RTTN: variants seen among roughly 807,000 people sequenced by gnomAD.
RTTN encodes the protein rotatin.
In RTTN, 182 loss-of-function variants were observed where a neutral mutation model predicts 269.2. That is an observed-to-expected ratio of 0.68 (90% CI 0.60 to 0.76). The LOEUF (loss-of-function observed/expected upper bound fraction) is 0.76, where lower values mean the gene tolerates loss of function less well. Ranked by LOEUF, RTTN falls within the 30% of genes least tolerant of loss-of-function variation. RTTN has a pLI of 0.00. For missense variants in RTTN, 2,545 were observed against 2,608.6 expected, an observed-to-expected ratio of 0.98 and a Z score of 0.53; for synonymous variants, 1,006 against 963.5, an observed-to-expected ratio of 1.04 and a Z score of -0.82.
At chr18:70,084,537 C>T (rs1422180046) in intron 32 of RTTN, among the ~76,000 whole-genome samples, 1 of 151,464 alleles carries the variant, frequency 6.6e-6, no homozygotes, top group Non-Finnish European at 1.5e-5. Context: ...TCAGACCCCA[C>T]TAAACTTTCT....
At chr18:70,180,366 G>C (rs2061396030) in intron 10 of RTTN, among the ~76,000 whole-genome samples, 1 of 151,862 alleles carries the variant, frequency 6.6e-6, no homozygotes, top group Admixed American at 6.6e-5. Context: ...GTGGTGCCTT[G>C]AGCCCAGGAG....
At chr18:70,161,550 C>A (rs184559384) in intron 14 of RTTN, among the ~76,000 whole-genome samples, 45 of 152,060 alleles carry the variant, frequency 3.0e-4, no homozygotes, top group Admixed American at 2.6e-4. Flanking sequence ...GTAAAAATAT[C>A]AACTAAGTAA....
chr18:70,111,221 C>A (rs2059456314), intron 27 of RTTN, among the ~76,000 whole-genome samples: 1 of 152,260 alleles, frequency 6.6e-6, no homozygotes, highest in Admixed American at 6.5e-5. Flanking sequence ...AAGGGTCAGA[C>A]TGCCTCCTCA....
chr18:70,096,804 C>T (rs1031331251), intron 28 of RTTN, among the ~76,000 whole-genome samples: 9 of 152,202 alleles, frequency 5.9e-5, no homozygotes, highest in Non-Finnish European at 1.0e-4. Context: ...TAGTCTGTCC[C>T]TTAGCAGAGC....
chr18:70,196,446 C>T lies in RTTN; in HGVS notation c.841+55G>A, dbSNP rs1209796655. ...CTAACAGTAACTATAATGGAAGGTTCCCAGAAGAATCTACAAATAACACCA... is the reference window on the plus strand; with the variant it reads ...CTAACAGTAACTATAATGGAAGGTTTCCAGAAGAATCTACAAATAACACCA... On this transcript the variant is annotated intron_variant, in intron 7 of 48. Transcript: ENST00000640769. The T allele has an allele frequency of 2.0e-6, 3 of 1,504,676 alleles. No individual in the cohort carries two copies. In the African/African-American group the frequency reaches 4.2e-5, roughly 21 times the overall value. 93.2% of individuals were successfully genotyped at this position (1,504,676 alleles called of 1,614,324 possible). A position where few individuals can be genotyped will look rare whatever the true frequency, so the allele number is the denominator to read the frequency against.
intron 10 of RTTN, among the ~76,000 whole-genome samples, chr18:70,185,257 T>C (rs2061520832): frequency 6.6e-6 from 1 of 152,098 alleles, no homozygotes; most frequent in Admixed American, 6.5e-5. Context: ...AAAGAAAGCA[T>C]AGGAAACACT....
At chr18:70,179,867 C>A (rs1340053682) in intron 10 of RTTN, among the ~76,000 whole-genome samples, 2 of 152,116 alleles carry the variant, frequency 1.3e-5, no homozygotes, top group South Asian at 4.2e-4. Flanking sequence ...GCCAGTCTCA[C>A]AAGGCACTTC....
intron 14 of RTTN, among the ~76,000 whole-genome samples, chr18:70,152,850 TG>T (rs2060574516): frequency 1.3e-5 from 2 of 152,296 alleles, no homozygotes; most frequent in South Asian, 2.1e-4. Flanking sequence ...TTCCCCACAA[TG>T]GGAGAGTGAT....
chr18:70,076,828 C>T (rs1198991263), intron 32 of RTTN, among the ~76,000 whole-genome samples: 1 of 151,528 alleles, frequency 6.6e-6, no homozygotes, highest in African/African-American at 2.4e-5. Context: ...TGTTTATTAA[C>T]CAAGGTATAT....
At chr18:70,076,422 T>C (rs2058431516) in intron 32 of RTTN, among the ~76,000 whole-genome samples, 1 of 152,066 alleles carries the variant, frequency 6.6e-6, no homozygotes, top group African/African-American at 2.4e-5. Flanking sequence ...TTTGTATGTG[T>C]GTCTGTTCTC....
chr18:70,132,864 A>G (rs1276626508), intron 23 of RTTN, among the ~76,000 whole-genome samples: 1 of 152,138 alleles, frequency 6.6e-6, no homozygotes, highest in East Asian at 1.9e-4. Flanking sequence ...CTGTGAGTAA[A>G]AGAGTAATAA....
intron 14 of RTTN, among the ~76,000 whole-genome samples, chr18:70,159,708 AC>A: frequency 6.6e-6 from 1 of 152,162 alleles, no homozygotes; most frequent in Non-Finnish European, 1.5e-5. Flanking sequence ...AAAAAAAGAG[AC>A]AATCCAAATA....
chr18:70,121,362 C>G (rs1458034165), intron 26 of RTTN, among the ~76,000 whole-genome samples, 194 bp downstream of exon 26: 3 of 152,150 alleles, frequency 2.0e-5, no homozygotes, highest in Non-Finnish European at 4.4e-5. Flanking sequence ...GTCCCATTCA[C>G]TGTACAGAAT....
At position 70,145,606 on chromosome 18, in the gene RTTN, A is replaced by G. The variant is rs367787928; in HGVS notation, c.2481+6T>C. 4.4e-6 allele frequency: 7 copies of G among 1,574,518 alleles called. No individual in the cohort carries two copies. The highest frequency in any genetic ancestry group is 6.0e-6 in the Non-Finnish European group (7 of 1,165,184). ...ACACAGTAATAAACTCAAAATTTAT[A>G]GTCACCTTAATAACCAGCTCTCTTC... On this transcript the variant is annotated splice_donor_region_variant and intron_variant, in intron 18 of 48. Coordinates refer to ENST00000640769, the MANE Select transcript of RTTN (RefSeq NM_173630.4).
At chr18:70,066,009 A>C in intron 34 of RTTN, 87 bp from the exon 35 acceptor site, 1 of 776,458 alleles carries the variant, frequency 1.3e-6, no homozygotes, top group Non-Finnish European at 2.0e-6. Flanking sequence ...ATCCTTAAAC[A>C]AGGAGGTTTA....
chr18:70,060,485 A>G (rs905956448), intron 35 of RTTN, among the ~76,000 whole-genome samples: 1 of 152,178 alleles, frequency 6.6e-6, no homozygotes, highest in African/African-American at 2.4e-5. Flanking sequence ...TTATGGATAT[A>G]TAATCATTGT....
chr18:70,168,688 C>A (rs975224960), intron 12 of RTTN, among the ~76,000 whole-genome samples, 167 bp downstream of exon 12: 3 of 152,136 alleles, frequency 2.0e-5, no homozygotes, highest in Non-Finnish European at 4.4e-5. Flanking sequence ...CAAATCATAT[C>A]CTTACTTTAA....
In RTTN at chr18:70,087,995, G is replaced by A. The variant is rs963937835; in HGVS notation, c.4296C>T (p.Arg1432=). The A allele has an allele frequency of 6.2e-7, 1 of 1,611,996 alleles. No individual in the cohort carries two copies. Among genetic ancestry groups the A allele is most frequent in the African/African-American group, 1.3e-5 (1 of 74,744 alleles). Residue 1432 remains arginine (R), a synonymous_variant, in exon 31 of 49, where the codon CGC becomes CGT. Coordinates refer to ENST00000640769, the MANE Select transcript of RTTN (RefSeq NM_173630.4). ...LLDQSECSMV[R]REAAFILQNL... ...GGAGAAAAGACAGACATACCTCCCG[G>A]CGCACCATACTACATTCTGACTGGT...
rs374636456 is a variant in RTTN at position 70,184,703 on chromosome 18, G to GTTTTTTTTTT, written c.1305+3395_1305+3404dup. Among the ~76,000 whole-genome samples, 21 of 26,376 alleles carry GTTTTTTTTTT rather than the reference G, an allele frequency of 8.0e-4. 1 individual carries two copies. The highest frequency in any genetic ancestry group is 2.5e-3 in the Admixed American group (4 of 1,582). 17.3% of individuals were successfully genotyped at this position (26,376 alleles called of 152,430 possible). A position where few individuals can be genotyped will look rare whatever the true frequency, so the allele number is the denominator to read the frequency against. On this transcript the variant is annotated intron_variant, in intron 10 of 48. Transcript: ENST00000640769. ...TCAATTCCATTCAAAACCACAGCAG[G>GTTTTTTTTTT]TTTTTTTTTTTTTTGTGTGTGTGTG...
Sources: gnomAD v4.1 joint callset for allele counts (sites outside exome capture counted in the v4.1 genomes callset) on GRCh38, gnomAD v4.1.1 for gene constraint, MANE v1.5 for transcripts, NCBI Gene and HGNC (gene_info 2026-07-23, HGNC 2026-07-21) for gene names.